The following NCAM2 variants were observed in gnomAD, a reference collection of about 807,000 sequenced individuals.
The protein encoded by NCAM2 is neural cell adhesion molecule 2.
Under a neutral mutation model 98.1 loss-of-function variants are expected in NCAM2, and 30 were observed. That is an observed-to-expected ratio of 0.31 (90% confidence interval 0.23 to 0.41). NCAM2 has a LOEUF of 0.41. Among genes scored for constraint, NCAM2 ranks in the 10% least tolerant of loss-of-function variants. The pLI is 1.00. For missense variants in NCAM2, 867 were observed against 1,005.8 expected (o/e 0.86, Z 1.87); for synonymous variants, 368 against 342.4 (o/e 1.07, Z -0.83).
chr21:21,327,871 T>G (rs2074561634), intron 6 of NCAM2, among the ~76,000 whole-genome samples: 1 of 152,108 alleles, frequency 6.6e-6, no homozygotes, highest in South Asian at 2.1e-4. Flanking sequence ...TAAAACATGT[T>G]CACAAAGAGA....
At chr21:21,405,711 C>A (rs1461936971) in intron 9 of NCAM2, among the ~76,000 whole-genome samples, 1 of 148,040 alleles carries the variant, frequency 6.8e-6, no homozygotes, top group African/African-American at 2.5e-5. Context: ...GCTAGGGAGA[C>A]AATTTTGAAA....
Position 21,284,401 on chromosome 21 carries a change from G to GT in NCAM2, c.337+2dup. ...GCTACAGTAGTTTTGGAAATTTACC[G>GT]TAAGTAATGTATTTATATGTTTTAG... is the stretch of plus-strand genomic sequence containing the variant. On this transcript the variant is annotated splice_donor_variant, in intron 3 of 17. Coordinates refer to ENST00000400546, the MANE Select transcript of NCAM2 (RefSeq NM_004540.5). LOFTEE classifies it high-confidence loss of function. 6.3e-7 allele frequency: 1 copy of GT among 1,597,032 alleles called. No individual in the cohort carries two copies. Among genetic ancestry groups the GT allele is most frequent in the Non-Finnish European group, 8.6e-7 (1 of 1,165,960 alleles).
Position 21,286,301 on chromosome 21 carries a change from C to T in NCAM2, c.370C>T (p.Gln124Ter). The T allele has an allele frequency of 6.2e-7, 1 of 1,610,688 alleles. No homozygotes were observed. Among genetic ancestry groups the T allele is most frequent in the Non-Finnish European group, 8.5e-7 (1 of 1,178,202 alleles). The change falls in exon 4 of 18, where the codon CAA becomes TAA. Residue 124 changes from glutamine to a stop codon, truncating the protein, a stop_gained. Transcript: ENST00000400546. LOFTEE classifies it high-confidence loss of function. ...KLTFREVVSP[Q>*]EFKQGEDAEV... ...CACTTTCAGAGAAGTGGTATCTCCACAAGAATTCAAACAAGGAGAAGATGC... is the reference window on the plus strand; with the variant it reads ...CACTTTCAGAGAAGTGGTATCTCCATAAGAATTCAAACAAGGAGAAGATGC...
intron 12 of NCAM2, among the ~76,000 whole-genome samples, chr21:21,455,205 A>C (rs1046223568): frequency 9.7e-6 from 1 of 102,796 alleles, no homozygotes; most frequent in African/African-American, 3.8e-5. Context: ...AAGGAAACCT[A>C]TTGGCAAAAA....
At chr21:21,396,491 C>T (rs557691558) in intron 9 of NCAM2, among the ~76,000 whole-genome samples, 1 of 152,126 alleles carries the variant, frequency 6.6e-6, no homozygotes, top group African/African-American at 2.4e-5. Flanking sequence ...AGTACCTCTG[C>T]TTGGGTTTTG....
rs543315728 is a variant in NCAM2, at chr21:21,342,071, G to A, written c.1044+3537G>A. On this transcript the variant is annotated intron_variant, in intron 8 of 17. Coordinates refer to ENST00000400546, the MANE Select transcript of NCAM2 (RefSeq NM_004540.5). Reference sequence around the variant, plus strand: ...GGAGAAAAAGTAAGGGACTTGAAAAGTCCAACTGTGGTATGTTGGAAGACC... The same window carrying A: ...GGAGAAAAAGTAAGGGACTTGAAAAATCCAACTGTGGTATGTTGGAAGACC... Among the ~76,000 whole-genome samples the A allele has an allele frequency of 1.1e-4, 16 of 152,276 alleles. No individual in the cohort carries two copies. The East Asian group carries it at 3.1e-3, about 29-fold the overall frequency.
At chr21:21,067,221 A>C (rs1168759115) in intron 1 of NCAM2, among the ~76,000 whole-genome samples, 1 of 151,914 alleles carries the variant, frequency 6.6e-6, no homozygotes, top group African/African-American at 2.4e-5. Flanking sequence ...CTATCTTTAA[A>C]GCTGGCATGA....
intron 1 of NCAM2, among the ~76,000 whole-genome samples, chr21:21,002,417 T>G (rs1313833476): frequency 7.2e-5 from 11 of 152,136 alleles, no homozygotes; most frequent in Non-Finnish European, 1.2e-4. Context: ...GTAAATAGAA[T>G]GGCCTTCTTT....
chr21:21,169,352 A>G (rs2068049294), intron 1 of NCAM2, among the ~76,000 whole-genome samples: 2 of 152,140 alleles, frequency 1.3e-5, no homozygotes, highest in Non-Finnish European at 2.9e-5. Context: ...AAAGAAGATA[A>G]CAGGATAAGA....
intron 1 of NCAM2, among the ~76,000 whole-genome samples, chr21:21,279,171 G>A (rs1461303117): frequency 3.3e-5 from 5 of 152,280 alleles, no homozygotes; most frequent in Admixed American, 6.5e-5. Context: ...CAAAGAACAC[G>A]TTTATAATTA....
At chr21:21,066,517 C>T (rs558488947) in intron 1 of NCAM2, among the ~76,000 whole-genome samples, 201 of 152,142 alleles carry the variant, frequency 1.3e-3, no homozygotes, top group African/African-American at 4.8e-3. Flanking sequence ...TGGGACACAG[C>T]TAAAAAATGA....
rs559250478 is a variant in NCAM2, at chr21:21,212,641, T to C, written c.56-67937T>C. On this transcript the variant is annotated intron_variant, in intron 1 of 17. Coordinates refer to ENST00000400546, the MANE Select transcript of NCAM2 (RefSeq NM_004540.5). ...TGACAATATCATGGTTGTGATACTA[T>C]AGTTTTGCAAAATGTTATCAGTGGA... 7.9e-5 allele frequency among the ~76,000 whole-genome samples: 12 copies of C among 152,276 alleles called. No individual in the cohort carries two copies. The South Asian group carries it at 2.5e-3, about 32-fold the overall frequency.
intron 1 of NCAM2, among the ~76,000 whole-genome samples, chr21:21,113,921 A>G (rs2066501946): frequency 6.6e-6 from 1 of 152,068 alleles, no homozygotes; most frequent in Non-Finnish European, 1.5e-5. Flanking sequence ...TCAGCTTTAT[A>G]CTAATTGCTT....
chr21:21,156,220 G>T (rs2067606164), intron 1 of NCAM2, among the ~76,000 whole-genome samples: 1 of 150,870 alleles, frequency 6.6e-6, no homozygotes, highest in Non-Finnish European at 1.5e-5. Flanking sequence ...AAAGAATGAA[G>T]CATTTTTTGT....
At chr21:21,495,315 T>C (rs1331799973) in intron 15 of NCAM2, among the ~76,000 whole-genome samples, 2 of 152,064 alleles carry the variant, frequency 1.3e-5, no homozygotes, top group African/African-American at 4.8e-5. Flanking sequence ...CTGAGTCTAT[T>C]TAATTCTTCA....
chr21:21,459,558 T>C (rs1400818521), intron 12 of NCAM2, among the ~76,000 whole-genome samples: 1 of 148,590 alleles, frequency 6.7e-6, no homozygotes, highest in African/African-American at 2.4e-5. Flanking sequence ...GAATATAGGA[T>C]ATTGTTATAT....
intron 1 of NCAM2, among the ~76,000 whole-genome samples, chr21:21,127,882 T>G (rs1454272654): frequency 6.6e-6 from 1 of 152,174 alleles, no homozygotes; most frequent in African/African-American, 2.4e-5. Flanking sequence ...ACATTTAAAT[T>G]TAAATATACG....
intron 9 of NCAM2, among the ~76,000 whole-genome samples, chr21:21,390,780 A>G (rs2076364045): frequency 6.6e-6 from 1 of 152,220 alleles, no homozygotes; most frequent in African/African-American, 2.4e-5. Flanking sequence ...AACATTAATC[A>G]CAGGGAAATA....
At chr21:21,125,794 T>C (rs990606366) in intron 1 of NCAM2, among the ~76,000 whole-genome samples, 1 of 149,584 alleles carries the variant, frequency 6.7e-6, no homozygotes, top group Admixed American at 6.8e-5. Context: ...CTTTTCAAAA[T>C]TGTTAAAATT....
Sources: allele counts gnomAD v4.1 joint callset (sites outside exome capture counted in the v4.1 genomes callset), GRCh38; gene constraint gnomAD v4.1.1; transcripts MANE v1.5; gene names NCBI Gene and HGNC (gene_info 2026-07-23, HGNC 2026-07-21).